The following MEGF8 variants were observed in gnomAD, a reference collection of about 807,000 sequenced individuals.
MEGF8 encodes multiple EGF like domains 8.
A neutral mutation model predicts 302.9 loss-of-function variants in MEGF8; 156 were observed. The observed-to-expected ratio is 0.52, with a 90% confidence interval of 0.45 to 0.59. MEGF8 has a LOEUF of 0.59. MEGF8 is among the 20% of genes least tolerant of loss of function. MEGF8 has a pLI of 0.00. For missense variants in MEGF8, 3,345 were observed against 3,964.5 expected, an observed-to-expected ratio of 0.84 and a Z score of 4.20; for synonymous variants, 1,621 against 1,660.5, an observed-to-expected ratio of 0.98 and a Z score of 0.58.
intron 23 of MEGF8, among the ~76,000 whole-genome samples, chr19:42,355,486 A>AG (rs2039437732): frequency 1.3e-5 from 2 of 152,046 alleles, no homozygotes; most frequent in South Asian, 4.1e-4. Flanking sequence ...GATGACCAGT[A>AG]GGGGATGGGT....
At chr19:42,366,363 G>A (rs1459172580) in intron 35 of MEGF8, among the ~76,000 whole-genome samples, 2 of 152,070 alleles carry the variant, frequency 1.3e-5, no homozygotes, top group African/African-American at 4.8e-5. Flanking sequence ...ACCACACCTG[G>A]CTAATTTTTG....
chr19:42,334,265 G>C lies in MEGF8; in HGVS notation c.558+52G>C, dbSNP rs73554520. The C allele has an allele frequency of 4.5e-3, 6,715 of 1,478,118 alleles. 229 individuals carry two copies. In the African/African-American group the frequency reaches 0.074, roughly 16 times the overall value. 91.6% of individuals were successfully genotyped at this position (1,478,118 alleles called of 1,614,324 possible). A position where few individuals can be genotyped will look rare whatever the true frequency, so the allele number is the denominator to read the frequency against. On this transcript the variant is annotated intron_variant, in intron 3 of 41. Coordinates refer to ENST00000251268, the MANE Select transcript of MEGF8 (RefSeq NM_001271938.2). ...CCTGGGGCCCTGATCTGTGAGCGCA[G>C]CCTCCACGCCCATCTCCTAGGTCTG...
chr19:42,329,652 A>G (rs1568553978), intron 1 of MEGF8, among the ~76,000 whole-genome samples: 1 of 152,208 alleles, frequency 6.6e-6, no homozygotes, highest in Non-Finnish European at 1.5e-5. Flanking sequence ...ACTCGAGCCC[A>G]GGAGTTAGAG....
chr19:42,352,439 C>A lies in MEGF8; in HGVS notation c.3333C>A (p.Ile1111=), dbSNP rs765761004. ...HCQRGYQGDG[I]SHCNRTCLED... ...AGCGGGGCTACCAGGGTGATGGCATCTCACACTGCAACCGCACGTGAGTGA... is the reference window on the plus strand; with the variant it reads ...AGCGGGGCTACCAGGGTGATGGCATATCACACTGCAACCGCACGTGAGTGA... Residue 1111 remains isoleucine (I), a synonymous_variant, in exon 19 of 42, where the codon ATC becomes ATA. Coordinates refer to ENST00000251268, the MANE Select transcript of MEGF8 (RefSeq NM_001271938.2). This position sits in a 1 kb window ranked among gnomAD's most constrained non-coding sequence, Gnocchi z 4.4. 6 of 1,597,298 alleles carry A rather than the reference C, an allele frequency of 3.8e-6. No homozygotes were observed. The East Asian group carries it at 1.4e-4, about 36-fold the overall frequency.
Position 42,375,883 on chromosome 19 carries a change from C to T in MEGF8, c.7646C>T (p.Pro2549Leu), listed in dbSNP as rs751281247. Reference sequence around the variant, plus strand: ...GGTGGGCCCCGGGGGGCTGGGGATCCAGGAGGAGCAGGGGCCAGCAGTGGG... The same window carrying T: ...GGTGGGCCCCGGGGGGCTGGGGATCTAGGAGGAGCAGGGGCCAGCAGTGGG... Reference protein sequence around the residue: ...ADGGPRGAGDPGGAGASSGPG... With the variant: ...ADGGPRGAGDLGGAGASSGPG... The change falls in exon 42 of 42, where the codon CCA becomes CTA. Residue 2549 changes from proline (P) to leucine (L), a missense_variant. Transcript: ENST00000251268. The surrounding 1 kb of genome is among the most constrained non-coding windows in gnomAD (Gnocchi z 7.1). 3.1e-6 allele frequency: 5 copies of T among 1,604,538 alleles called. No individual in the cohort carries two copies. The highest frequency in any genetic ancestry group is 3.4e-5 in the Admixed American group (2 of 59,160).
At chr19:42,364,309 C>T (rs545813279) in intron 35 of MEGF8, among the ~76,000 whole-genome samples, 9 of 152,264 alleles carry the variant, frequency 5.9e-5, no homozygotes, top group East Asian at 3.9e-4. Context: ...ACTGCCCCCC[C>T]GTGGGAGATA....
Position 42,349,655 on chromosome 19 carries a change from G to A in MEGF8, c.2455G>A (p.Glu819Lys), listed in dbSNP as rs1424452415. Residue 819 changes from glutamate (E) to lysine (K), a missense_variant, in exon 14 of 42, where the codon GAG becomes AAG. Coordinates refer to ENST00000251268, the MANE Select transcript of MEGF8 (RefSeq NM_001271938.2). Reference protein sequence around the residue: ...LNGSAGPGHSELTLLWDRTGV... With the variant: ...LNGSAGPGHSKLTLLWDRTGV... ...TGGCTCGGCAGGCCCTGGGCACAGC[G>A]AGCTAACTCTGCTGTGGGATCGGAC... 1.9e-6 allele frequency: 3 copies of A among 1,612,044 alleles called. No homozygotes were observed. The highest frequency in any genetic ancestry group is 2.5e-6 in the Non-Finnish European group (3 of 1,179,830).
chr19:42,338,012 G>C (rs1336568033), intron 8 of MEGF8, among the ~76,000 whole-genome samples: 3 of 151,720 alleles, frequency 2.0e-5, no homozygotes, highest in African/African-American at 7.3e-5. Flanking sequence ...CATCATGTTG[G>C]CCAGGCCAGT....
intron 2 of MEGF8, 87 bp downstream of exon 2, chr19:42,333,855 A>G (rs1412963733): frequency 2.7e-5 from 42 of 1,558,306 alleles, no homozygotes; most frequent in Non-Finnish European, 3.5e-6. Context: ...GGCATCCAAG[A>G]GCAGAGCACA....
Position 42,353,054 on chromosome 19 carries a change from C to T in MEGF8, c.3477C>T (p.Cys1159=), listed in dbSNP as rs2039399972. The T allele has an allele frequency of 6.4e-7, 1 of 1,551,324 alleles. No homozygotes were observed. Among genetic ancestry groups the T allele is most frequent in the Non-Finnish European group, 8.7e-7 (1 of 1,147,742 alleles). The change falls in exon 20 of 42, where the codon TGC becomes TGT. Residue 1159 remains cysteine (C), a synonymous_variant. Coordinates refer to ENST00000251268, the MANE Select transcript of MEGF8 (RefSeq NM_001271938.2). The surrounding 1 kb of genome is among the most constrained non-coding windows in gnomAD (Gnocchi z 6.1). ...TPAPGPPAPR[C]SRDCGCSFHS... is the part of the protein sequence containing the mutation. ...CCCCGGGTCCGCCAGCCCCCCGCTG[C>T]TCCCGGGACTGTGGCTGCAGCTTCC...
rs1169855528 is a variant in MEGF8 at position 42,336,924 on chromosome 19, T to C, written c.1362T>C (p.Ser454=). ...GPRERAFHTA[S]VLGNYMVVYG... ...GGGAGCGAGCCTTCCACACAGCCAGTGTTCTGGGCAATTACATGGTGGTCT... is the reference window on the plus strand; with the variant it reads ...GGGAGCGAGCCTTCCACACAGCCAGCGTTCTGGGCAATTACATGGTGGTCT... The change falls in exon 7 of 42, where the codon AGT becomes AGC. Residue 454 remains serine, a synonymous_variant. Transcript: ENST00000251268. The surrounding 1 kb of genome is among the most constrained non-coding windows in gnomAD (Gnocchi z 4.8). 1.2e-6 allele frequency: 2 copies of C among 1,613,820 alleles called. No individual in the cohort carries two copies. Among genetic ancestry groups the C allele is most frequent in the East Asian group, 4.5e-5 (2 of 44,880 alleles).
intron 39 of MEGF8, 23 bp downstream of exon 39, chr19:42,370,382 C>T: frequency 1.3e-6 from 2 of 1,544,444 alleles, no homozygotes; most frequent in East Asian, 2.4e-5. Context: ...GGTCAGATGC[C>T]TGGGTCTGAG....
At chr19:42,334,613 G>A (rs752625316) in intron 3 of MEGF8, among the ~76,000 whole-genome samples, 3 of 152,096 alleles carry the variant, frequency 2.0e-5, no homozygotes, top group Non-Finnish European at 4.4e-5. Flanking sequence ...TCTGGATTGC[G>A]CTTTGAGCCC....
At chr19:42,355,499 C>T (rs755864268) in intron 23 of MEGF8, among the ~76,000 whole-genome samples, 4 of 151,964 alleles carry the variant, frequency 2.6e-5, no homozygotes, top group Admixed American at 6.6e-5. Flanking sequence ...GGATGGGTGC[C>T]GGTGTCCAGG....
chr19:42,336,437 C>T lies in MEGF8; in HGVS notation c.1244+91C>T, dbSNP rs528715618. 1.9e-5 allele frequency: 25 copies of T among 1,314,838 alleles called. No individual in the cohort carries two copies. Among genetic ancestry groups the T allele is most frequent in the African/African-American group, 1.8e-4 (12 of 67,732 alleles). The allele number at this position is 1,314,838 out of a possible 1,614,324, so 81.4% of individuals were successfully genotyped here. A position where few individuals can be genotyped will look rare whatever the true frequency, so the allele number is the denominator to read the frequency against. ...GTCTTTAGAGGTCTTTGCCCACTGT[C>T]GGACTCCTGTGGTCTCTCAGTCACT... is the stretch of plus-strand genomic sequence containing the variant. On this transcript the variant is annotated intron_variant, in intron 6 of 41. Coordinates refer to ENST00000251268, the MANE Select transcript of MEGF8 (RefSeq NM_001271938.2). The surrounding 1 kb of genome is among the most constrained non-coding windows in gnomAD (Gnocchi z 4.8).
chr19:42,353,473 T>C lies in MEGF8; in HGVS notation c.3559T>C (p.Trp1187Arg), dbSNP rs1568567197. The C allele has an allele frequency of 6.2e-6, 10 of 1,610,370 alleles. No individual in the cohort carries two copies. In the South Asian group the frequency reaches 6.6e-5, roughly 11 times the overall value. The change falls in exon 21 of 42, where the codon TGG (tryptophan) becomes CGG (arginine). Residue 1187 changes from tryptophan to arginine, a missense_variant. Coordinates refer to ENST00000251268, the MANE Select transcript of MEGF8 (RefSeq NM_001271938.2). This position sits in a 1 kb window ranked among gnomAD's most constrained non-coding sequence, Gnocchi z 6.1. The stretch of plus-strand genomic sequence containing the variant: ...TGCTGGGGCCTCCACAGACTGGACA[T>C]GGGGGGAGCACTGCGAACGATGCCG... ...GFCDECQDWT[W>R]GEHCERCRPG...
Position 42,376,038 on chromosome 19 carries a change from C to T in MEGF8, c.7801C>T (p.Pro2601Ser). ...GCGGGACCGGCTGGTCATCACCTACCCACACGAGCACCATGCCCTCAAGTC... is the reference window on the plus strand; with the variant it reads ...GCGGGACCGGCTGGTCATCACCTACTCACACGAGCACCATGCCCTCAAGTC... ...GVRDRLVITY[P>S]HEHHALKSSR... The change falls in exon 42 of 42, where the codon CCA (proline) becomes TCA (serine). Residue 2601 changes from proline to serine, a missense_variant. Transcript: ENST00000251268. The surrounding 1 kb of genome is among the most constrained non-coding windows in gnomAD (Gnocchi z 8.2). 6.2e-7 allele frequency: 1 copy of T among 1,604,226 alleles called. No individual in the cohort carries two copies. Among genetic ancestry groups the T allele is most frequent in the Non-Finnish European group, 8.5e-7 (1 of 1,177,756 alleles).
rs1214967194 is a variant in MEGF8 at position 42,344,448 on chromosome 19, C to T, written c.1796C>T (p.Ala599Val). 1 of 1,590,328 alleles carries T rather than the reference C, an allele frequency of 6.3e-7. No individual in the cohort carries two copies. The highest frequency in any genetic ancestry group is 8.5e-7 in the Non-Finnish European group (1 of 1,175,192). The change falls in exon 11 of 42, where the codon GCC (alanine) becomes GTC (valine). Residue 599 changes from alanine to valine, a missense_variant. Transcript: ENST00000251268. This position sits in a 1 kb window ranked among gnomAD's most constrained non-coding sequence, Gnocchi z 4.5. ...CCCCTCTCCTCCTCGCAGTGTCCAG[C>T]CGCCAGCTGCCTGGGCCTGGGCCGC... ...PPGTPLGACP[A>V]ASCLGLGRLL...
intron 1 of MEGF8, among the ~76,000 whole-genome samples, chr19:42,326,879 T>G (rs1309685078): frequency 1.3e-5 from 2 of 151,956 alleles, no homozygotes; most frequent in Non-Finnish European, 2.9e-5. Flanking sequence ...CCCAAGTAAC[T>G]GAGTGTGTAG....
Sources: gnomAD v4.1 joint callset for allele counts (sites outside exome capture counted in the v4.1 genomes callset) on GRCh38, gnomAD v4.1.1 for gene constraint, Gnocchi (gnomAD v3.1) non-coding constraint, MANE v1.5 for transcripts, NCBI Gene and HGNC (gene_info 2026-07-23, HGNC 2026-07-21) for gene names.